AKT3: variants seen among roughly 807,000 people sequenced by gnomAD.
AKT3 encodes the protein RAC-gamma serine/threonine-protein kinase.
In AKT3, 15 loss-of-function variants were observed where a neutral mutation model predicts 65.3. The ratio of observed to expected loss-of-function variants is 0.23; its 90% CI spans 0.15 to 0.35. The LOEUF (loss-of-function observed/expected upper bound fraction) is 0.35. Ranked by LOEUF, AKT3 falls within the 10% of genes least tolerant of loss-of-function variation. The pLI is 1.00. For synonymous variants in AKT3, 206 were observed against 183.8 expected (o/e 1.12, Z -0.98); for missense variants, 243 against 576.5 (o/e 0.42, Z 5.92).
chr1:243,669,893 A>G (rs1187199725), intron 3 of AKT3, among the ~76,000 whole-genome samples: 1 of 152,218 alleles, frequency 6.6e-6, no homozygotes, highest in Non-Finnish European at 1.5e-5. Context: ...CTAAGTAGTT[A>G]TGCACAACTT....
intron 10 of AKT3, among the ~76,000 whole-genome samples, chr1:243,560,433 G>A (rs796086288): frequency 2.1e-4 from 32 of 152,202 alleles, no homozygotes; most frequent in African/African-American, 5.1e-4. Flanking sequence ...GGTAAACACA[G>A]TCAAAGTTTA....
chr1:243,599,414 ATGTC>A lies in AKT3; in HGVS notation c.696+14253_696+14256del, dbSNP rs977891966. On this transcript the variant is annotated intron_variant, in intron 8 of 13. Transcript: ENST00000673466. The stretch of plus-strand genomic sequence containing the variant: ...AGGTTAAAAAATACATGGAAGTAAA[ATGTC>A]TGAGAACAACTGCACAAAAGACAGA... Among the ~76,000 whole-genome samples the A allele has an allele frequency of 3.4e-4, 52 of 152,312 alleles. 1 individual carries two copies. Among genetic ancestry groups the A allele is most frequent in the African/African-American group, 1.2e-3 (48 of 41,592 alleles).
chr1:243,594,933 G>A (rs1558640707), intron 8 of AKT3, among the ~76,000 whole-genome samples: 1 of 151,794 alleles, frequency 6.6e-6, no homozygotes, highest in African/African-American at 2.4e-5. Flanking sequence ...TCTGTAGGGG[G>A]AAAAAAATGA....
At chr1:243,792,962 T>C in intron 2 of AKT3, among the ~76,000 whole-genome samples, 1 of 152,184 alleles carries the variant, frequency 6.6e-6, no homozygotes, top group South Asian at 2.1e-4. Flanking sequence ...GCTTCACATA[T>C]CACAGGTCAT....
chr1:243,534,943 C>A (rs1408652940), intron 12 of AKT3, among the ~76,000 whole-genome samples: 2 of 151,284 alleles, frequency 1.3e-5, no homozygotes, highest in Admixed American at 1.3e-4. Context: ...AAAATTAAAT[C>A]CAAAGTAAGG....
chr1:243,549,971 T>C (rs1402242608), intron 11 of AKT3, among the ~76,000 whole-genome samples: 1 of 152,226 alleles, frequency 6.6e-6, no homozygotes. Flanking sequence ...TTCTACACTC[T>C]AGTCACTGAA....
rs530356017 is a variant in AKT3 at position 243,824,517 on chromosome 1, G to T, written c.46+18608C>A. On this transcript the variant is annotated intron_variant, in intron 2 of 13. Transcript: ENST00000673466. ...TTTGCAATCTATCCATCTGACAAAG[G>T]GCTAATATTCAGAATCTACAAAGAC... Among the ~76,000 whole-genome samples, 3 of 152,026 alleles carry T rather than the reference G, an allele frequency of 2.0e-5. No homozygotes were observed. In the East Asian group the frequency reaches 5.8e-4, roughly 29 times the overall value.
At chr1:243,817,185 G>A (rs1056248227) in intron 2 of AKT3, among the ~76,000 whole-genome samples, 1 of 152,130 alleles carries the variant, frequency 6.6e-6, no homozygotes, top group African/African-American at 2.4e-5. Flanking sequence ...GTTCAGTGCA[G>A]CTACCCTTCT....
intron 8 of AKT3, among the ~76,000 whole-genome samples, chr1:243,577,611 T>C (rs1362953243): frequency 6.6e-6 from 1 of 152,094 alleles, no homozygotes; most frequent in African/African-American, 2.4e-5. Context: ...ATCTAGGCAA[T>C]ACCATTCAGG....
At chr1:243,559,993 T>C (rs1267466945) in intron 10 of AKT3, among the ~76,000 whole-genome samples, 1 of 152,104 alleles carries the variant, frequency 6.6e-6, no homozygotes, top group East Asian at 1.9e-4. Context: ...GTAAATCTGA[T>C]CACAGTATCG....
intron 9 of AKT3, among the ~76,000 whole-genome samples, chr1:243,566,232 A>G (rs1674146862): frequency 3.3e-5 from 5 of 152,140 alleles, no homozygotes; most frequent in Admixed American, 3.3e-4. Flanking sequence ...CTTGCATCTA[A>G]TTCTGTAACC....
chr1:243,515,426 C>G (rs76488638), intron 12 of AKT3, among the ~76,000 whole-genome samples: 2 of 149,468 alleles, frequency 1.3e-5, no homozygotes, highest in African/African-American at 4.9e-5. Context: ...TCACTCAGAG[C>G]GTTTCATTTT....
intron 2 of AKT3, chr1:243,788,728 A>C (rs977112965): frequency 3.3e-5 from 5 of 152,610 alleles, no homozygotes; most frequent in African/African-American, 1.2e-4. Context: ...CTGAGCCTTC[A>C]GCAAGTCATA....
chr1:243,533,153 G>A lies in AKT3; in HGVS notation c.1251+12357C>T, dbSNP rs1053885857. ...TCAATTATCGATTTCATTTATTTCC[G>A]TTGTAATCTTTACACCAATAAATTG... On this transcript the variant is annotated intron_variant, in intron 12 of 13. Transcript: ENST00000673466. Among the ~76,000 whole-genome samples the A allele has an allele frequency of 1.1e-4, 17 of 151,828 alleles. No homozygotes were observed. The South Asian group carries it at 1.7e-3, about 15-fold the overall frequency.
At chr1:243,594,559 C>T (rs1314372132) in intron 8 of AKT3, among the ~76,000 whole-genome samples, 1 of 152,126 alleles carries the variant, frequency 6.6e-6, no homozygotes, top group African/African-American at 2.4e-5. Context: ...AGTGCAGAAA[C>T]AGACCCATAT....
At chr1:243,823,392 C>T (rs1365291294) in intron 2 of AKT3, among the ~76,000 whole-genome samples, 3 of 152,134 alleles carry the variant, frequency 2.0e-5, no homozygotes, top group South Asian at 2.1e-4. Context: ...TCCCACTATT[C>T]CTATTTAACA....
At chr1:243,726,518 A>G (rs1687221817) in intron 2 of AKT3, among the ~76,000 whole-genome samples, 1 of 152,208 alleles carries the variant, frequency 6.6e-6, no homozygotes, top group African/African-American at 2.4e-5. Context: ...ATAACTTACA[A>G]CAGGTAAATT....
At chr1:243,710,610 T>C (rs1210942264) in intron 2 of AKT3, among the ~76,000 whole-genome samples, 1 of 152,178 alleles carries the variant, frequency 6.6e-6, no homozygotes, top group East Asian at 1.9e-4. Flanking sequence ...TTCAGTAATA[T>C]TTACTAGCGT....
chr1:243,834,661 C>T, intron 2 of AKT3, among the ~76,000 whole-genome samples: 1 of 151,720 alleles, frequency 6.6e-6, no homozygotes, highest in East Asian at 1.9e-4. Flanking sequence ...ACGAAATAAT[C>T]TGTATACCAA....
Sources: gnomAD v4.1 joint callset for allele counts (sites outside exome capture counted in the v4.1 genomes callset) on GRCh38, gnomAD v4.1.1 for gene constraint, MANE v1.5 for transcripts, NCBI Gene and HGNC (gene_info 2026-07-23, HGNC 2026-07-21) for gene names.